SNTG2: variants seen among roughly 807,000 people sequenced by gnomAD.
The protein encoded by SNTG2 is syntrophin gamma 2.
SNTG2 carries 74 observed loss-of-function variants against 70.9 expected under a neutral mutation model. The observed-to-expected ratio is 1.04, with a 90% CI of 0.86 to 1.27. The LOEUF is 1.27. Among genes scored for constraint, SNTG2 ranks in the 50% most tolerant of loss-of-function variants. SNTG2 has a pLI of 0.00. For missense variants in SNTG2, 717 were observed against 690.7 expected (o/e 1.04, Z -0.43); for synonymous variants, 278 against 273.8 (o/e 1.02, Z -0.15).
At chr2:1,038,992 C>G (rs1661284550) in intron 1 of SNTG2, among the ~76,000 whole-genome samples, 1 of 152,170 alleles carries the variant, frequency 6.6e-6, no homozygotes, top group South Asian at 2.1e-4. Flanking sequence ...GCATCTTGGC[C>G]ACATCTTCCA....
At chr2:1,151,498 G>T (rs1298720491) in intron 6 of SNTG2, among the ~76,000 whole-genome samples, 1 of 152,160 alleles carries the variant, frequency 6.6e-6, no homozygotes, top group Non-Finnish European at 1.5e-5. Flanking sequence ...CGCTCTTTCT[G>T]CAGGAACACC....
At chr2:1,162,927 T>C (rs1239951817) in intron 6 of SNTG2, among the ~76,000 whole-genome samples, 3 of 152,168 alleles carry the variant, frequency 2.0e-5, no homozygotes, top group East Asian at 3.9e-4. Context: ...GACAGGCGTC[T>C]CACAAGGGTG....
chr2:1,295,673 C>T (rs1458721537), intron 14 of SNTG2, among the ~76,000 whole-genome samples: 7 of 151,370 alleles, frequency 4.6e-5, no homozygotes, highest in East Asian at 2.0e-4. Context: ...GTGTCTCCAT[C>T]GATGATTTCC....
chr2:1,255,837 TATATAA>T (rs1558602313), intron 12 of SNTG2, among the ~76,000 whole-genome samples: 18 of 40,160 alleles, frequency 4.5e-4, no homozygotes, highest in East Asian at 4.5e-3. Context: ...TATATAAATA[TATATAA>T]ATATATATAA....
intron 6 of SNTG2, among the ~76,000 whole-genome samples, chr2:1,159,103 TACCTGTGTGTTC>T (rs1553341170): frequency 3.7e-4 from 21 of 57,286 alleles, no homozygotes; most frequent in African/African-American, 9.0e-4. Context: ...TGCATGCGTG[TACCTGTGTGTTC>T]GTGTGTGTGT....
chr2:1,186,778 A>G (rs182548193), intron 8 of SNTG2, among the ~76,000 whole-genome samples: 70 of 152,352 alleles, frequency 4.6e-4, no homozygotes, highest in African/African-American at 1.7e-3. Context: ...ATTACAATTC[A>G]ACATGAGATT....
rs1663137543 is a variant in SNTG2, at chr2:1,066,197, C to G, written c.73-17321C>G. On this transcript the variant is annotated intron_variant, in intron 1 of 16. Coordinates refer to ENST00000308624, the MANE Select transcript of SNTG2 (RefSeq NM_018968.4). ...CAGAATTTGACGAACTCTTAGAAAG[C>G]ATTTTCTGCATTCTGCTGGGTGTGG... Among the ~76,000 whole-genome samples the G allele has an allele frequency of 2.6e-5, 4 of 152,280 alleles. No individual in the cohort carries two copies. In the South Asian group the frequency reaches 8.3e-4, roughly 32 times the overall value.
At chr2:1,116,554 G>A (rs1380671436) in intron 4 of SNTG2, among the ~76,000 whole-genome samples, 1 of 151,038 alleles carries the variant, frequency 6.6e-6, no homozygotes, top group Admixed American at 6.6e-5. Context: ...TGGTGTGTGG[G>A]TGCTCTGGTA....
intron 16 of SNTG2, among the ~76,000 whole-genome samples, chr2:1,330,671 G>T (rs1659478272): frequency 6.6e-6 from 1 of 152,158 alleles, no homozygotes; most frequent in South Asian, 2.1e-4. Context: ...TTAAAATTGT[G>T]CATGCAAACA....
chr2:1,041,387 G>T (rs1264869038), intron 1 of SNTG2, among the ~76,000 whole-genome samples: 1 of 152,130 alleles, frequency 6.6e-6, no homozygotes, highest in Non-Finnish European at 1.5e-5. Flanking sequence ...TACTGTTTTT[G>T]TTGTTGTTGT....
chr2:965,509 A>G (rs1660525279), intron 1 of SNTG2, among the ~76,000 whole-genome samples: 1 of 145,852 alleles, frequency 6.9e-6, no homozygotes, highest in Non-Finnish European at 1.5e-5. Context: ...GGTCTTCTTC[A>G]GGGTCCCCTC....
intron 12 of SNTG2, among the ~76,000 whole-genome samples, chr2:1,256,179 C>A (rs1678110250): frequency 6.6e-6 from 1 of 151,820 alleles, no homozygotes; most frequent in Non-Finnish European, 1.5e-5. Flanking sequence ...AGTTGATCTG[C>A]AAGGCCAGGA....
At chr2:1,363,576 C>T (rs113746175) in intron 16 of SNTG2, among the ~76,000 whole-genome samples, 6,930 of 152,288 alleles carry the variant, frequency 0.046, 235 homozygotes, top group Non-Finnish European at 0.07. Context: ...CAGCCCATGA[C>T]CGACATGTGA....
At chr2:1,159,099 C>T (rs568066622) in intron 6 of SNTG2, among the ~76,000 whole-genome samples, 39 of 56,252 alleles carry the variant, frequency 6.9e-4, no homozygotes, top group East Asian at 1.5e-3. Flanking sequence ...TATGTGCATG[C>T]GTGTACCTGT....
chr2:1,292,991 T>G (rs1216500082), intron 14 of SNTG2, among the ~76,000 whole-genome samples: 1 of 152,192 alleles, frequency 6.6e-6, no homozygotes, highest in East Asian at 1.9e-4. Context: ...TTTCTTTGCT[T>G]TAAGGTTTTT....
chr2:1,093,988 C>T (rs1170775693), intron 2 of SNTG2, among the ~76,000 whole-genome samples: 1 of 91,746 alleles, frequency 1.1e-5, no homozygotes, highest in Non-Finnish European at 2.1e-5. Context: ...GGACTGCAGG[C>T]GAAGGCCTTA....
At chr2:965,494 C>T (rs1353090981) in intron 1 of SNTG2, among the ~76,000 whole-genome samples, 1 of 150,722 alleles carries the variant, frequency 6.6e-6, no homozygotes, top group Admixed American at 6.6e-5. Context: ...CCTCCTTGAT[C>T]CTCTGGTCTT....
In SNTG2 at chr2:1,316,374, AGGTATGC is replaced by A; in HGVS notation, c.1488+2_1488+8del. 6.7e-7 allele frequency: 1 copy of A among 1,482,546 alleles called. No individual in the cohort carries two copies. Among genetic ancestry groups the A allele is most frequent in the African/African-American group, 1.4e-5 (1 of 71,862 alleles). 91.8% of individuals were successfully genotyped at this position (1,482,546 alleles called of 1,614,324 possible). On this transcript the variant is annotated splice_donor_variant and splice_donor_5th_base_variant and coding_sequence_variant and intron_variant, in exon 16 of 17. Coordinates refer to ENST00000308624, the MANE Select transcript of SNTG2 (RefSeq NM_018968.4). LOFTEE classifies it high-confidence loss of function. ...CTGGACACCAAACAGATTGAGACGAAGGTATGCGGCATGGGGCATGGGTTATTCTGCC... is the reference window on the plus strand; with the variant it reads ...CTGGACACCAAACAGATTGAGACGAAGGCATGGGGCATGGGTTATTCTGCC...
chr2:1,172,422 C>A (rs1671185667), intron 7 of SNTG2, among the ~76,000 whole-genome samples: 1 of 152,160 alleles, frequency 6.6e-6, no homozygotes, highest in South Asian at 2.1e-4. Context: ...ATAGTCCAGC[C>A]TGAAGATATT....
Sources: gnomAD v4.1 joint callset for allele counts (sites outside exome capture counted in the v4.1 genomes callset) on GRCh38, gnomAD v4.1.1 for gene constraint, MANE v1.5 for transcripts, NCBI Gene and HGNC (gene_info 2026-07-23, HGNC 2026-07-21) for gene names.